TMEM200A: variants seen among roughly 807,000 people sequenced by gnomAD.
TMEM200A encodes transmembrane protein 200A.
A neutral mutation model predicts 24.3 loss-of-function variants in TMEM200A; 12 were observed. The observed-to-expected ratio is 0.49, with a 90% confidence interval of 0.32 to 0.80. The LOEUF (loss-of-function observed/expected upper bound fraction) is 0.80. Among genes scored for constraint, TMEM200A ranks in the 30% least tolerant of loss-of-function variants. TMEM200A has a pLI of 0.04. For synonymous variants in TMEM200A, 224 were observed against 224.4 expected, an observed-to-expected ratio of 1.00 and a Z score of 0.02; for missense variants, 545 against 614.4, an observed-to-expected ratio of 0.89 and a Z score of 1.19.
chr6:130,426,043 A>G (rs1020048636), intron 2 of TMEM200A, among the ~76,000 whole-genome samples: 1 of 152,204 alleles, frequency 6.6e-6, no homozygotes, highest in African/African-American at 2.4e-5. Flanking sequence ...CTGCGGTTGA[A>G]GTAACTTGAA....
intron 1 of TMEM200A, among the ~76,000 whole-genome samples, chr6:130,377,033 T>G (rs1009783621): frequency 3.3e-5 from 5 of 152,232 alleles, no homozygotes; most frequent in African/African-American, 1.2e-4. Context: ...ATATACTTAT[T>G]AAGTCATCAG....
In TMEM200A at chr6:130,441,626, C is replaced by CG; in HGVS notation, c.1208dup (p.Pro404SerfsTer18). 1.2e-6 allele frequency: 2 copies of CG among 1,614,016 alleles called. No individual in the cohort carries two copies. The highest frequency in any genetic ancestry group is 1.7e-6 in the Non-Finnish European group (2 of 1,179,996). On this transcript the variant is annotated frameshift_variant, in exon 3 of 3. Transcript: ENST00000296978. LOFTEE classifies it high-confidence loss of function. ...ACACTCAAAGTCCTTGGACTTAGAC[C>CG]GGGGTCCCTCCACTCTAACTGTTCA...
chr6:130,402,245 G>A (rs1184988820), intron 2 of TMEM200A, among the ~76,000 whole-genome samples: 2 of 151,904 alleles, frequency 1.3e-5, no homozygotes, highest in African/African-American at 2.4e-5. Flanking sequence ...ATGAAATGGT[G>A]AAAACTTTAA....
chr6:130,385,812 C>G (rs751221659), intron 2 of TMEM200A, among the ~76,000 whole-genome samples: 3 of 152,142 alleles, frequency 2.0e-5, no homozygotes, highest in Non-Finnish European at 4.4e-5. Flanking sequence ...ACATAAACTA[C>G]AGAAATAATT....
At chr6:130,408,555 G>A (rs754580370) in intron 2 of TMEM200A, among the ~76,000 whole-genome samples, 2 of 152,156 alleles carry the variant, frequency 1.3e-5, no homozygotes, top group Non-Finnish European at 2.9e-5. Flanking sequence ...GGAACAAAGA[G>A]GACATGAGAC....
At chr6:130,380,269 G>A (rs917555282) in intron 1 of TMEM200A, among the ~76,000 whole-genome samples, 2 of 152,178 alleles carry the variant, frequency 1.3e-5, no homozygotes, top group African/African-American at 4.8e-5. Context: ...TGATCATGCT[G>A]ATGACTAATA....
chr6:130,427,656 T>A (rs1382010414), intron 2 of TMEM200A, among the ~76,000 whole-genome samples: 1 of 152,046 alleles, frequency 6.6e-6, no homozygotes, highest in Non-Finnish European at 1.5e-5. Flanking sequence ...ATTTGTCCTC[T>A]CATTGACAGC....
Position 130,441,859 on chromosome 6 carries a change from T to C in TMEM200A, c.1437T>C (p.Ser479=), listed in dbSNP as rs777815959. 2.5e-6 allele frequency: 4 copies of C among 1,611,932 alleles called. No homozygotes were observed. The African/African-American group carries it at 5.4e-5, about 22-fold the overall frequency. The change falls in exon 3 of 3, where the codon AGT becomes AGC. Residue 479 remains serine (S), a synonymous_variant. Transcript: ENST00000296978. Reference sequence around the variant, plus strand: ...GTTTTGAACATGATGAGTTTTTGAGTAACAACCTAAAGAGGGGAACTTCTG... The same window carrying C: ...GTTTTGAACATGATGAGTTTTTGAGCAACAACCTAAAGAGGGGAACTTCTG... The part of the protein sequence containing the change: ...NLSFEHDEFL[S]NNLKRGTSET...
At chr6:130,386,089 T>C (rs1778705607) in intron 2 of TMEM200A, among the ~76,000 whole-genome samples, 1 of 152,168 alleles carries the variant, frequency 6.6e-6, no homozygotes, top group Non-Finnish European at 1.5e-5. Flanking sequence ...TAACATTCAG[T>C]TTTGGGAGAA....
intron 2 of TMEM200A, among the ~76,000 whole-genome samples, chr6:130,399,272 C>T (rs1024967763): frequency 7.2e-4 from 110 of 152,090 alleles, no homozygotes; most frequent in African/African-American, 2.6e-3. Context: ...AAAAATTCTT[C>T]AGAACTTAGT....
intron 2 of TMEM200A, among the ~76,000 whole-genome samples, chr6:130,417,011 C>A (rs572159806): frequency 6.6e-6 from 1 of 152,232 alleles, no homozygotes; most frequent in South Asian, 2.1e-4. Flanking sequence ...CTAAAACCTT[C>A]CAGACTAAGA....
At chr6:130,413,922 G>A (rs1269128511) in intron 2 of TMEM200A, among the ~76,000 whole-genome samples, 7 of 152,068 alleles carry the variant, frequency 4.6e-5, no homozygotes, top group Admixed American at 3.9e-4. Context: ...CCAAATAGGA[G>A]TTTTAAATTC....
At chr6:130,428,408 C>G (rs1779797626) in intron 2 of TMEM200A, among the ~76,000 whole-genome samples, 1 of 152,182 alleles carries the variant, frequency 6.6e-6, no homozygotes, top group Admixed American at 6.5e-5. Context: ...TCCACCTTTT[C>G]CTTTTTTCTT....
At chr6:130,394,360 C>G (rs183389525) in intron 2 of TMEM200A, among the ~76,000 whole-genome samples, 3 of 152,190 alleles carry the variant, frequency 2.0e-5, no homozygotes, top group Non-Finnish European at 4.4e-5. Flanking sequence ...GAAGGGAATA[C>G]TTACCTCTGC....
intron 2 of TMEM200A, among the ~76,000 whole-genome samples, chr6:130,434,236 GA>G (rs559737340): frequency 0.03 from 4,505 of 152,228 alleles, 78 homozygotes; most frequent in Non-Finnish European, 0.041. Flanking sequence ...GGGACAGCAT[GA>G]AAAAACAATA....
chr6:130,417,926 C>T lies in TMEM200A; in HGVS notation c.-16-22481C>T, dbSNP rs558817163. 2.6e-5 allele frequency among the ~76,000 whole-genome samples: 4 copies of T among 152,300 alleles called. No individual in the cohort carries two copies. In the South Asian group the frequency reaches 8.3e-4, roughly 32 times the overall value. Reference sequence around the variant, plus strand: ...ACTTCGCTTGCTCTTAATTTGCACACATCCATAAGCCTGTTTACTTTGTTA... The same window carrying T: ...ACTTCGCTTGCTCTTAATTTGCACATATCCATAAGCCTGTTTACTTTGTTA... On this transcript the variant is annotated intron_variant, in intron 2 of 2. Transcript: ENST00000296978.
chr6:130,366,371 C>T lies in TMEM200A; in HGVS notation c.-234C>T. Reference sequence around the variant, plus strand: ...GGATGGGGAGGGAGACCGCGGCTGCCCGCGGCGGCCGAGATTCCCGCTGAC... The same window carrying T: ...GGATGGGGAGGGAGACCGCGGCTGCTCGCGGCGGCCGAGATTCCCGCTGAC... On this transcript the variant is annotated 5_prime_UTR_variant, in exon 1 of 3. Transcript: ENST00000296978. The surrounding 1 kb of genome is among the most constrained non-coding windows in gnomAD (Gnocchi z 4.4). 2 of 985,382 alleles carry T rather than the reference C, an allele frequency of 2.0e-6. No homozygotes were observed. Among genetic ancestry groups the T allele is most frequent in the Non-Finnish European group, 2.4e-6 (2 of 829,962 alleles). 61.0% of individuals were successfully genotyped at this position (985,382 alleles called of 1,614,324 possible). A position where few individuals can be genotyped will look rare whatever the true frequency, so the allele number is the denominator to read the frequency against.
chr6:130,393,247 T>C (rs1289651880), intron 2 of TMEM200A, among the ~76,000 whole-genome samples: 1 of 152,154 alleles, frequency 6.6e-6, no homozygotes. Flanking sequence ...GGGATCTGGG[T>C]ATTAAGTCAT....
intron 1 of TMEM200A, among the ~76,000 whole-genome samples, chr6:130,384,575 G>C (rs1242977521): frequency 6.6e-6 from 1 of 152,084 alleles, no homozygotes; most frequent in Non-Finnish European, 1.5e-5. Flanking sequence ...GCCTTCCAAA[G>C]TGCTGCAATT....
Sources: gnomAD v4.1 joint callset for allele counts (sites outside exome capture counted in the v4.1 genomes callset) on GRCh38, gnomAD v4.1.1 for gene constraint, Gnocchi (gnomAD v3.1) non-coding constraint, MANE v1.5 for transcripts, NCBI Gene and HGNC (gene_info 2026-07-23, HGNC 2026-07-21) for gene names.